The following RFC5 variants were observed in gnomAD, a reference collection of about 807,000 sequenced individuals.
RFC5 encodes the protein A1 36 kDa subunit.
Under a neutral mutation model 44.3 loss-of-function variants are expected in RFC5, and 26 were observed. The ratio of observed to expected loss-of-function variants is 0.59; its 90% CI spans 0.43 to 0.81. The LOEUF (loss-of-function observed/expected upper bound fraction) is 0.81. Ranked by LOEUF, RFC5 falls within the 40% of genes least tolerant of loss-of-function variation. The pLI, the probability that RFC5 is intolerant of heterozygous loss-of-function variation, is 0.00. For missense variants in RFC5, 328 were observed against 418.6 expected (o/e 0.78, Z 1.89); for synonymous variants, 155 against 155.2 (o/e 1.00, Z 0.01).
intron 8 of RFC5, chr12:118,027,219 C>T (rs912364503): frequency 2.7e-5 from 15 of 562,360 alleles, no homozygotes; most frequent in Non-Finnish European, 4.1e-5. Context: ...AGGGCTCTGA[C>T]CTTCAAGTCA....
In RFC5 at chr12:118,031,162, C is replaced by A; in HGVS notation, c.927-20C>A. On this transcript the variant is annotated intron_variant, in intron 10 of 10. Transcript: ENST00000454402. ...TGTGTTTGGTGTCTTTTTTCTTACCCTGTGTTTGGTTTCTGTTAGGTACAG... is the reference window on the plus strand; with the variant it reads ...TGTGTTTGGTGTCTTTTTTCTTACCATGTGTTTGGTTTCTGTTAGGTACAG... 2 of 1,575,970 alleles carry A rather than the reference C, an allele frequency of 1.3e-6. No homozygotes were observed. Among genetic ancestry groups the A allele is most frequent in the South Asian group, 1.1e-5 (1 of 89,722 alleles).
In RFC5 at chr12:118,016,770, G is replaced by T; in HGVS notation, c.-58G>T. The T allele has an allele frequency of 6.8e-7, 1 of 1,462,918 alleles. No individual in the cohort carries two copies. The allele number at this position is 1,462,918 out of a possible 1,614,324, so 90.6% of individuals were successfully genotyped here. ...GGGTCAGGTCGCGGCTGGTCACTGT[G>T]CAGGCGCTTGGGTGACGCGACGATC... On this transcript the variant is annotated 5_prime_UTR_variant, in exon 1 of 11. Transcript: ENST00000454402.
Position 118,016,863 on chromosome 12 carries a change from C to A in RFC5, c.36C>A (p.Pro12=), listed in dbSNP as rs1482816540. ...ETSALKQQEQ[P]AATKIRNLPW... is the part of the protein sequence containing the mutation. Reference sequence around the variant, plus strand: ...CAGCACTCAAGCAGCAGGAGCAGCCCGCGGCGACCAAGATCAGGAACCTGC... The same window carrying A: ...CAGCACTCAAGCAGCAGGAGCAGCCAGCGGCGACCAAGATCAGGAACCTGC... Residue 12 remains proline, a synonymous_variant, in exon 1 of 11, where the codon CCC becomes CCA. Transcript: ENST00000454402. 1.2e-6 allele frequency: 2 copies of A among 1,613,362 alleles called. No homozygotes were observed. Among genetic ancestry groups the A allele is most frequent in the Non-Finnish European group, 1.7e-6 (2 of 1,179,748 alleles).
In RFC5 at chr12:118,024,882, C is replaced by T. The variant is rs774124079; in HGVS notation, c.453C>T (p.Phe151=). 6.2e-7 allele frequency: 1 copy of T among 1,612,800 alleles called. No homozygotes were observed. Among genetic ancestry groups the T allele is most frequent in the South Asian group, 1.1e-5 (1 of 90,782 alleles). ...AGAAATTCACAGAAAATACCAGATT[C>T]TGCCTCATCTGTAACTATCTGTCAA... is the stretch of plus-strand genomic sequence containing the variant. ...VIEKFTENTR[F]CLICNYLSKI... is the part of the protein sequence containing the mutation. The change falls in exon 6 of 11, where the codon TTC becomes TTT. Residue 151 remains phenylalanine (F), a synonymous_variant. Coordinates refer to ENST00000454402, the MANE Select transcript of RFC5 (RefSeq NM_007370.7).
downstream of RFC5, chr12:118,035,329 G>A (rs1566135267): frequency 2.5e-6 from 4 of 1,613,652 alleles, no homozygotes; most frequent in African/African-American, 1.3e-5. Context: ...GTGTGGCTGG[G>A]AAGGAAAGAA....
chr12:118,026,648 A>G (rs929814400), intron 7 of RFC5, among the ~76,000 whole-genome samples: 4 of 152,200 alleles, frequency 2.6e-5, no homozygotes, highest in Non-Finnish European at 5.9e-5. Flanking sequence ...AAAAGGAATC[A>G]TTTGTTGCAA....
chr12:118,031,252 A>G lies in RFC5; in HGVS notation c.997A>G (p.Arg333Gly). ...CCTCATTGCTGCATTTCAAGTCACC[A>G]GAGACCTGATTGTTGCAGAGGCCTA... Reference protein sequence around the residue: ...SSLIAAFQVTRDLIVAEA With the variant: ...SSLIAAFQVTGDLIVAEA Residue 333 changes from arginine (R) to glycine (G), a missense_variant, in exon 11 of 11, where the codon AGA (arginine) becomes GGA (glycine). By Grantham distance (125) the Arg-to-Gly change is moderately radical. Coordinates refer to ENST00000454402, the MANE Select transcript of RFC5 (RefSeq NM_007370.7). The G allele has an allele frequency of 6.2e-7, 1 of 1,613,522 alleles. No homozygotes were observed.
At chr12:118,023,505 G>T (rs1394732541) in intron 5 of RFC5, among the ~76,000 whole-genome samples, 3 of 144,246 alleles carry the variant, frequency 2.1e-5, no homozygotes, top group Non-Finnish European at 3.0e-5. Flanking sequence ...GAGGAGAGGT[G>T]GGGGAGGAGG....
chr12:118,023,993 T>G (rs2030738264), intron 5 of RFC5, among the ~76,000 whole-genome samples: 1 of 151,746 alleles, frequency 6.6e-6, no homozygotes, highest in South Asian at 2.1e-4. Flanking sequence ...GAGGCAGGCA[T>G]ATCACCTGAG....
chr12:118,035,306 G>A (rs770328206), downstream of RFC5: 49 of 1,614,026 alleles, frequency 3.0e-5, no homozygotes, highest in Middle Eastern at 5.0e-4. Context: ...CATCCATGGC[G>A]GGGTCAACCT....
chr12:118,034,014 C>A, downstream of RFC5: 1 of 792,958 alleles, frequency 1.3e-6, no homozygotes, highest in Non-Finnish European at 2.0e-6. Flanking sequence ...GACTGACTTT[C>A]ACATGCCAGG....
Position 118,031,231 on chromosome 12 carries a change from A to G in RFC5, c.976A>G (p.Ile326Val). ...TNEKIQLSSL[I>V]AAFQVTRDLI... The stretch of plus-strand genomic sequence containing the variant: ...CGAGAAGATCCAGCTGAGCTCCCTC[A>G]TTGCTGCATTTCAAGTCACCAGAGA... The change falls in exon 11 of 11, where the codon ATT (isoleucine) becomes GTT (valine). Residue 326 changes from isoleucine (I) to valine (V), a missense_variant. Coordinates refer to ENST00000454402, the MANE Select transcript of RFC5 (RefSeq NM_007370.7). 4 of 1,613,928 alleles carry G rather than the reference A, an allele frequency of 2.5e-6. No individual in the cohort carries two copies. The highest frequency in any genetic ancestry group is 3.4e-6 in the Non-Finnish European group (4 of 1,179,934).
At position 118,028,514 on chromosome 12, in the gene RFC5, C is replaced by T. The variant is rs376781455; in HGVS notation, c.871+484C>T. ...AAAAAACAAAACAAAACACAAAAAA[C>T]GTGTTCCATAAACCCTCTTTTAATA... is the stretch of plus-strand genomic sequence containing the variant. On this transcript the variant is annotated intron_variant, in intron 9 of 10. Coordinates refer to ENST00000454402, the MANE Select transcript of RFC5 (RefSeq NM_007370.7). Among the ~76,000 whole-genome samples the T allele has an allele frequency of 3.4e-4, 50 of 148,238 alleles. No individual in the cohort carries two copies. The South Asian group carries it at 0.011, about 33-fold the overall frequency.
At chr12:118,027,208 G>C in intron 8 of RFC5, 190 bp downstream of exon 8, 1 of 582,270 alleles carries the variant, frequency 1.7e-6, no homozygotes, top group African/African-American at 1.9e-5. Flanking sequence ...GTTCTTCTTG[G>C]AGGGCTCTGA....
At chr12:118,038,011 A>G (rs1251791648), downstream of RFC5, 1 of 301,160 alleles carries the variant, frequency 3.3e-6, no homozygotes, top group African/African-American at 2.2e-5. Context: ...CTTAGACTCC[A>G]AGAAGAAAAG....
Position 118,025,846 on chromosome 12 carries a change from T to TA in RFC5, c.663+18_663+19insA. The TA allele has an allele frequency of 1.5e-6, 2 of 1,325,208 alleles. No individual in the cohort carries two copies. The highest frequency in any genetic ancestry group is 1.1e-6 in the Non-Finnish European group (1 of 940,002). The allele number at this position is 1,325,208 out of a possible 1,614,324, so 82.1% of individuals were successfully genotyped here. A position where few individuals can be genotyped will look rare whatever the true frequency, so the allele number is the denominator to read the frequency against. On this transcript the variant is annotated intron_variant, in intron 7 of 10. Coordinates refer to ENST00000454402, the MANE Select transcript of RFC5 (RefSeq NM_007370.7). ...TTTTGCAGGTATGGTCTCAAGCAAA[T>TA]CCTTTTTTTTTTTTTTTTTTGAGAC...
rs1198900347 is a variant in RFC5, at chr12:118,021,001, G to A, written c.347+16G>A. On this transcript the variant is annotated intron_variant, in intron 4 of 10. Coordinates refer to ENST00000454402, the MANE Select transcript of RFC5 (RefSeq NM_007370.7). ...CAATATTTAAGTAAGAATTATTTGT[G>A]TAATTTCGCTCCCTTGATTTTGATT... 4.0e-6 allele frequency: 6 copies of A among 1,514,672 alleles called. No homozygotes were observed. Among genetic ancestry groups the A allele is most frequent in the African/African-American group, 1.4e-5 (1 of 72,886 alleles). 93.8% of individuals were successfully genotyped at this position (1,514,672 alleles called of 1,614,324 possible). A position where few individuals can be genotyped will look rare whatever the true frequency, so the allele number is the denominator to read the frequency against.
chr12:118,036,605 C>T (rs2031517267), downstream of RFC5: 1 of 1,349,888 alleles, frequency 7.4e-7, no homozygotes, highest in African/African-American at 1.5e-5. Context: ...ATCTGCAGGC[C>T]CTGCAGCCAG....
chr12:118,036,609 C>A (rs1281275781), downstream of RFC5: 6 of 1,286,056 alleles, frequency 4.7e-6, no homozygotes, highest in Non-Finnish European at 6.5e-6. Context: ...GCAGGCCCTG[C>A]AGCCAGGGCT....
Sources: allele counts gnomAD v4.1 joint callset (sites outside exome capture counted in the v4.1 genomes callset), GRCh38; gene constraint gnomAD v4.1.1; transcripts MANE v1.5; gene names NCBI Gene and HGNC (gene_info 2026-07-23, HGNC 2026-07-21).